Variants in PKM observed in about 807,000 individuals in gnomAD.
PKM encodes pyruvate kinase M1/2, also known as pyruvate kinase PKM.
A neutral mutation model predicts 49.8 loss-of-function variants in PKM; 18 were observed. The ratio of observed to expected loss-of-function variants is 0.36; its 90% CI spans 0.25 to 0.54. PKM has a LOEUF of 0.54. PKM is among the 20% of genes least tolerant of loss of function. The pLI is 0.89. For missense variants in PKM, 508 were observed against 713.8 expected, an observed-to-expected ratio of 0.71 and a Z score of 3.28; for synonymous variants, 239 against 261.8, an observed-to-expected ratio of 0.91 and a Z score of 0.84.
chr15:72,220,604 G>T (rs1354041253), intron 1 of PKM, among the ~76,000 whole-genome samples: 1 of 152,262 alleles, frequency 6.6e-6, no homozygotes, highest in Non-Finnish European at 1.5e-5. Context: ...TCTTCATTTC[G>T]ATGTGTATTT....
At chr15:72,225,609 GT>G (rs1458504739) in intron 1 of PKM, among the ~76,000 whole-genome samples, 1 of 152,150 alleles carries the variant, frequency 6.6e-6, no homozygotes, top group African/African-American at 2.4e-5. Flanking sequence ...AATGCCCTAA[GT>G]GGTATACTGT....
chr15:72,230,486 G>A (rs1468012921), intron 1 of PKM, among the ~76,000 whole-genome samples: 1 of 152,192 alleles, frequency 6.6e-6, no homozygotes, highest in East Asian at 1.9e-4. Flanking sequence ...GAGGGAGGGA[G>A]CGGACACGCC....
At chr15:72,218,863 G>A (rs1408729156) in intron 2 of PKM, 81 bp downstream of exon 2, 9 of 1,430,700 alleles carry the variant, frequency 6.3e-6, no homozygotes, top group African/African-American at 1.4e-5. Flanking sequence ...AGGTTTGTTA[G>A]GACATTTAGT....
chr15:72,200,684 A>G lies in PKM; in HGVS notation c.1308-29T>C. On this transcript the variant is annotated intron_variant, in intron 9 of 10. Transcript: ENST00000335181. This position sits in a 1 kb window ranked among gnomAD's most constrained non-coding sequence, Gnocchi z 4.6. ...AGATGGGATGGGGGACATACAGAAG[A>G]GACCATTACACGAGGCCCCAGGAAG... The G allele has an allele frequency of 3.1e-6, 5 of 1,593,696 alleles. No individual in the cohort carries two copies. The highest frequency in any genetic ancestry group is 4.3e-6 in the Non-Finnish European group (5 of 1,164,760).
At chr15:72,219,865 G>C (rs1596784985) in intron 1 of PKM, among the ~76,000 whole-genome samples, 2 of 152,326 alleles carry the variant, frequency 1.3e-5, no homozygotes, top group African/African-American at 4.8e-5. Context: ...TTCCCCAAAT[G>C]ATTTTTGATA....
At position 72,203,422 on chromosome 15, in the gene PKM, G is replaced by A; in HGVS notation, c.1141-802C>T. The A allele has an allele frequency of 5.4e-6, 3 of 560,444 alleles. No homozygotes were observed. The South Asian group carries it at 6.1e-5, about 11-fold the overall frequency. The allele number at this position is 560,444 out of a possible 1,614,324, so 34.7% of individuals were successfully genotyped here. ...AGGGGAAATTGGCTCTTCCCTTCTG[G>A]AAGGATTTTTTCATTGGGGGTGGAG... On this transcript the variant is annotated intron_variant, in intron 8 of 10. Coordinates refer to ENST00000335181, the MANE Select transcript of PKM (RefSeq NM_002654.6).
intron 3 of PKM, among the ~76,000 whole-genome samples, chr15:72,216,032 G>A (rs2082369170): frequency 6.6e-6 from 1 of 152,210 alleles, no homozygotes; most frequent in African/African-American, 2.4e-5. Context: ...GCCATAGGCT[G>A]TTTATGAACA....
chr15:72,199,871 C>T lies in PKM; in HGVS notation c.1490-115G>A, dbSNP rs2081895790. 1.5e-5 allele frequency: 11 copies of T among 731,896 alleles called. No individual in the cohort carries two copies. In the East Asian group the frequency reaches 2.7e-4, roughly 18 times the overall value. 45.3% of individuals were successfully genotyped at this position (731,896 alleles called of 1,614,324 possible). Reference sequence around the variant, plus strand: ...AGGCTGGCTGACCACTACTTCCTCACACCACAAGGTGGCACCAAACTCACA... The same window carrying T: ...AGGCTGGCTGACCACTACTTCCTCATACCACAAGGTGGCACCAAACTCACA... On this transcript the variant is annotated intron_variant, in intron 10 of 10. Transcript: ENST00000335181.
intron 1 of PKM, among the ~76,000 whole-genome samples, chr15:72,230,499 G>A (rs542479031): frequency 2.0e-5 from 3 of 152,246 alleles, no homozygotes; most frequent in East Asian, 1.9e-4. Context: ...GACACGCCAG[G>A]CGAGGAAGGG....
At chr15:72,221,541 C>A (rs73436397) in intron 1 of PKM, among the ~76,000 whole-genome samples, 3,659 of 150,036 alleles carry the variant, frequency 0.024, 144 homozygotes, top group African/African-American at 0.087. Context: ...TTTAATAGGA[C>A]GTCATTGGGG....
chr15:72,230,999 T>C (rs890312), intron 1 of PKM, 117 bp downstream of exon 1: 29,302 of 1,270,868 alleles, frequency 0.023, 579 homozygotes, highest in African/African-American at 0.093. Flanking sequence ...CCAGACGCCC[T>C]GGATCCTGCG....
intron 8 of PKM, chr15:72,203,067 T>C (rs2081984604): frequency 5.0e-6 from 8 of 1,614,200 alleles, no homozygotes; most frequent in Non-Finnish European, 5.1e-6. Context: ...TAAACACTTA[T>C]AAGAAGCCTC....
intron 5 of PKM, 28 bp from the exon 6 acceptor site, chr15:72,208,919 G>A: frequency 6.2e-7 from 1 of 1,607,282 alleles, no homozygotes; most frequent in Non-Finnish European, 8.5e-7. Flanking sequence ...AGTAGGGGAG[G>A]CAGAGCACGA....
At chr15:72,205,121 T>C (rs899423408) in intron 8 of PKM, among the ~76,000 whole-genome samples, 1 of 150,942 alleles carries the variant, frequency 6.6e-6, no homozygotes, top group African/African-American at 2.5e-5. Flanking sequence ...TTTTTTTTTA[T>C]GTTTGTTTGG....
chr15:72,223,160 C>T (rs1257609337), intron 1 of PKM, among the ~76,000 whole-genome samples: 1 of 151,912 alleles, frequency 6.6e-6, no homozygotes, highest in African/African-American at 2.4e-5. Flanking sequence ...GGACTACAGG[C>T]ACGAACCACA....
Position 72,212,814 on chromosome 15 carries a change from G to A in PKM, c.247-2336C>T, listed in dbSNP as rs1211512607. Among the ~76,000 whole-genome samples the A allele has an allele frequency of 2.0e-5, 3 of 152,158 alleles. No individual in the cohort carries two copies. In the East Asian group the frequency reaches 5.8e-4, roughly 29 times the overall value. ...AGGCCAGGCGCAGTGGCTCACGCCT[G>A]TAATCCCAGCACTTTGGGAGGCCGA... On this transcript the variant is annotated intron_variant, in intron 3 of 10. Coordinates refer to ENST00000335181, the MANE Select transcript of PKM (RefSeq NM_002654.6).
At chr15:72,224,884 A>T (rs1305311388) in intron 1 of PKM, among the ~76,000 whole-genome samples, 1 of 150,590 alleles carries the variant, frequency 6.6e-6, no homozygotes, top group East Asian at 1.9e-4. Context: ...AAAAAACACA[A>T]ATAAAGGCTG....
intron 1 of PKM, among the ~76,000 whole-genome samples, chr15:72,225,630 T>A (rs575677919): frequency 3.3e-5 from 5 of 152,360 alleles, no homozygotes; most frequent in African/African-American, 1.2e-4. Context: ...TATATATCAC[T>A]GAGTAACTTG....
intron 1 of PKM, chr15:72,230,915 C>T: frequency 7.8e-7 from 1 of 1,286,342 alleles, no homozygotes; most frequent in Non-Finnish European, 1.0e-6. Context: ...CTGGAAGGAA[C>T]GGCGCTGGGG....
Sources: gnomAD v4.1 joint callset for allele counts (sites outside exome capture counted in the v4.1 genomes callset) on GRCh38, gnomAD v4.1.1 for gene constraint, Gnocchi (gnomAD v3.1) non-coding constraint, MANE v1.5 for transcripts, NCBI Gene and HGNC (gene_info 2026-07-23, HGNC 2026-07-21) for gene names.